The following MAX variants were observed in gnomAD, a reference collection of about 807,000 sequenced individuals.
MAX encodes the protein MYC associated transcriptional regulator X, also known as protein max.
In MAX, 3 loss-of-function variants were observed where a neutral mutation model predicts 22.3. The observed-to-expected ratio is 0.13, with a 90% CI of 0.06 to 0.35. MAX has a LOEUF of 0.35. MAX is among the 10% of genes least tolerant of loss of function. The pLI is 1.00. For missense variants in MAX, 119 were observed against 209.4 expected (o/e 0.57, Z 2.66); for synonymous variants, 72 against 77.7 (o/e 0.93, Z 0.39).
In MAX at chr14:65,023,725, G is replaced by T. The variant is rs2061928620; in HGVS notation, c.172-17441C>A. ...TCATGTGGCTAGTGGCTGCCTATTG[G>T]ACAGCACAGATGTATCTCATTGCTA... On this transcript the variant is annotated intron_variant, in intron 3 of 3. Transcript: ENST00000341653. This position sits in a 1 kb window ranked among gnomAD's most constrained non-coding sequence, Gnocchi z 4.1. Among the ~76,000 whole-genome samples the T allele has an allele frequency of 6.6e-6, 1 of 152,106 alleles. No homozygotes were observed. Among genetic ancestry groups the T allele is most frequent in the Non-Finnish European group, 1.5e-5 (1 of 68,010 alleles).
Position 65,048,723 on chromosome 14 carries a change from C to CA in MAX, c.172-42440dup, listed in dbSNP as rs1187424273. Among the ~76,000 whole-genome samples, 5 of 152,212 alleles carry CA rather than the reference C, an allele frequency of 3.3e-5. No homozygotes were observed. In the East Asian group the frequency reaches 7.7e-4, roughly 24 times the overall value. Reference sequence around the variant, plus strand: ...AAAAACAGTTAACCAGACATGGTGGCACATGCCTGTAGTCCTAGCTACTCA... The same window carrying CA: ...AAAAACAGTTAACCAGACATGGTGGCAACATGCCTGTAGTCCTAGCTACTCA... On this transcript the variant is annotated intron_variant, in intron 3 of 3. Coordinates refer to the MAX transcript ENST00000341653.
chr14:65,071,771 A>G (rs1388923488), downstream of MAX, among the ~76,000 whole-genome samples: 1 of 152,156 alleles, frequency 6.6e-6, no homozygotes, highest in African/African-American at 2.4e-5. This position sits in a 1 kb window ranked among gnomAD's most constrained non-coding sequence, Gnocchi z 4.2. Context: ...GACCCCAATG[A>G]AACACCAAGC....
chr14:65,100,295 C>T (rs964924926), intron 2 of MAX, among the ~76,000 whole-genome samples: 2 of 151,862 alleles, frequency 1.3e-5, no homozygotes, highest in Non-Finnish European at 2.9e-5. Flanking sequence ...ACTAAAAATA[C>T]AAAAATTAGC....
rs35809647 is a variant in MAX at position 65,067,019 on chromosome 14, T to TAA, written c.171+26687_171+26688dup. Among the ~76,000 whole-genome samples, 110 of 137,820 alleles carry TAA rather than the reference T, an allele frequency of 8.0e-4. No homozygotes were observed. In the East Asian group the frequency reaches 8.7e-3, roughly 11 times the overall value. The allele number at this position is 137,820 out of a possible 152,430, so 90.4% of individuals were successfully genotyped here. A position where few individuals can be genotyped will look rare whatever the true frequency, so the allele number is the denominator to read the frequency against. On this transcript the variant is annotated intron_variant, in intron 3 of 3. Coordinates refer to the MAX transcript ENST00000341653. Reference sequence around the variant, plus strand: ...AGCCACACTCTGTCTCTACAAAAATTAAAAAAAAAAAAAAAAATTAGTCGG... The same window carrying TAA: ...AGCCACACTCTGTCTCTACAAAAATTAAAAAAAAAAAAAAAAAAATTAGTCGG...
rs2296322 is a variant in MAX at position 65,012,230 on chromosome 14, T to G, written c.172-5946A>C. ...AGGGGGACGTCCTGAAGCTGAGTGTTTACCCGTGTGTGTGTACGTGCACAT... is the reference window on the plus strand; with the variant it reads ...AGGGGGACGTCCTGAAGCTGAGTGTGTACCCGTGTGTGTGTACGTGCACAT... On this transcript the variant is annotated intron_variant, in intron 3 of 3. Transcript: ENST00000341653. The surrounding 1 kb of genome is among the most constrained non-coding windows in gnomAD (Gnocchi z 5.0). 0.14 allele frequency: 215,672 copies of G among 1,544,180 alleles called. 15,734 individuals are homozygous for G. The highest frequency in any genetic ancestry group is 0.24 in the Admixed American group (14,009 of 58,876).
downstream of MAX, among the ~76,000 whole-genome samples, chr14:65,072,849 A>G (rs1178168428): frequency 6.6e-6 from 1 of 152,214 alleles, no homozygotes; most frequent in Admixed American, 6.5e-5. Flanking sequence ...TTAGTCTCGA[A>G]GAGTTTGTCA....
chr14:65,098,897 T>C (rs1179243910), intron 2 of MAX, among the ~76,000 whole-genome samples: 1 of 152,354 alleles, frequency 6.6e-6, no homozygotes, highest in Non-Finnish European at 1.5e-5. Context: ...TAGTAAGGCC[T>C]ATATATTGTA....
downstream of MAX, among the ~76,000 whole-genome samples, chr14:65,071,563 T>C (rs1351847927): frequency 6.6e-6 from 1 of 152,248 alleles, no homozygotes; most frequent in Non-Finnish European, 1.5e-5. This position sits in a 1 kb window ranked among gnomAD's most constrained non-coding sequence, Gnocchi z 4.2. Flanking sequence ...ATTCATGGGC[T>C]TCTCACACTC....
intron 3 of MAX, among the ~76,000 whole-genome samples, chr14:65,026,120 C>G (rs900586853): frequency 1.3e-5 from 2 of 152,126 alleles, no homozygotes; most frequent in East Asian, 1.9e-4. Flanking sequence ...GAGGTGAAAG[C>G]GCCCAGGAAA....
chr14:65,051,927 T>A (rs2062623273), intron 3 of MAX, among the ~76,000 whole-genome samples: 1 of 151,904 alleles, frequency 6.6e-6, no homozygotes, highest in South Asian at 2.1e-4. Context: ...CCTGAGTAGC[T>A]GGGACTACAG....
chr14:65,101,680 G>A (rs878876806), intron 1 of MAX, 108 bp from the exon 2 acceptor site: 3 of 832,278 alleles, frequency 3.6e-6, no homozygotes, highest in Non-Finnish European at 5.9e-6. Context: ...GGAGGGTGGG[G>A]AGTCAGCCCG....
chr14:65,032,412 C>T lies in MAX; in HGVS notation c.172-26128G>A. The stretch of plus-strand genomic sequence containing the variant: ...GAATGTCATGTTCTTTCACTGAAGC[C>T]ATGCCGTGAGCAACTCTATCCAAAT... On this transcript the variant is annotated intron_variant, in intron 3 of 3. Transcript: ENST00000341653. This position sits in a 1 kb window ranked among gnomAD's most constrained non-coding sequence, Gnocchi z 5.0. The T allele has an allele frequency of 6.2e-6, 3 of 483,736 alleles. No individual in the cohort carries two copies. The highest frequency in any genetic ancestry group is 1.1e-5 in the Non-Finnish European group (3 of 275,454). The allele number at this position is 483,736 out of a possible 1,614,324, so 30.0% of individuals were successfully genotyped here.
At chr14:65,058,977 C>A (rs2062803054) in intron 3 of MAX, among the ~76,000 whole-genome samples, 1 of 152,078 alleles carries the variant, frequency 6.6e-6, no homozygotes, top group Admixed American at 6.6e-5. Flanking sequence ...ATATCATAGC[C>A]TCATAAAATT....
At chr14:65,048,178 T>C (rs1054374167) in intron 3 of MAX, among the ~76,000 whole-genome samples, 5 of 151,836 alleles carry the variant, frequency 3.3e-5, no homozygotes, top group African/African-American at 9.7e-5. Context: ...AGACAGGATA[T>C]GACTATGTTG....
rs199732984 is a variant in MAX, at chr14:65,084,347, T to C, written c.172-6311A>G. The C allele has an allele frequency of 6.9e-5, 80 of 1,159,736 alleles. No individual in the cohort carries two copies. The highest frequency in any genetic ancestry group is 3.6e-4 in the South Asian group (29 of 80,898). 71.8% of individuals were successfully genotyped at this position (1,159,736 alleles called of 1,614,324 possible). On this transcript the variant is annotated intron_variant, in intron 3 of 4. Coordinates refer to ENST00000358664, the MANE Select transcript of MAX (RefSeq NM_002382.5). This position sits in a 1 kb window ranked among gnomAD's most constrained non-coding sequence, Gnocchi z 4.3. ...AGCAATTAATTTCACAAGTAATAAA[T>C]AGAATACAAAATTACTAACTTTTGT...
chr14:65,060,942 G>A lies in MAX; in HGVS notation c.171+32766C>T, dbSNP rs112078963. 6.4e-3 allele frequency among the ~76,000 whole-genome samples: 922 copies of A among 143,424 alleles called. 11 individuals carry two copies. The highest frequency in any genetic ancestry group is 0.023 in the African/African-American group (871 of 38,538). 94.1% of individuals were successfully genotyped at this position (143,424 alleles called of 152,430 possible). A position where few individuals can be genotyped will look rare whatever the true frequency, so the allele number is the denominator to read the frequency against. The stretch of plus-strand genomic sequence containing the variant: ...ATACTGTTTTCTCACATAATATGTT[G>A]TAAGTATTTGCCTGTATCGTTAAAT... On this transcript the variant is annotated intron_variant, in intron 3 of 3. Coordinates refer to the MAX transcript ENST00000341653.
chr14:65,083,853 C>A, intron 3 of MAX: 3 of 1,208,128 alleles, frequency 2.5e-6, no homozygotes, highest in Non-Finnish European at 3.1e-6. Flanking sequence ...AAAGGGAGGG[C>A]CCAGGGCTAA....
Position 65,076,335 on chromosome 14 carries a change from A to G in MAX, c.*141T>C. The G allele has an allele frequency of 6.6e-7, 1 of 1,524,052 alleles. No individual in the cohort carries two copies. The highest frequency in any genetic ancestry group is 2.4e-5 in the East Asian group (1 of 41,502). 94.4% of individuals were successfully genotyped at this position (1,524,052 alleles called of 1,614,324 possible). ...GCTGTTGTCCAAGAGCTTCTACGTA[A>G]AAATAAAAATTTAAAAAAAAAAGGG... On this transcript the variant is annotated 3_prime_UTR_variant, in exon 5 of 5. Transcript: ENST00000358664. This position sits in a 1 kb window ranked among gnomAD's most constrained non-coding sequence, Gnocchi z 6.6.
chr14:65,071,293 C>T (rs1250150851), downstream of MAX, among the ~76,000 whole-genome samples: 5 of 152,098 alleles, frequency 3.3e-5, no homozygotes, highest in South Asian at 6.2e-4. The surrounding 1 kb of genome is among the most constrained non-coding windows in gnomAD (Gnocchi z 4.2). Context: ...AGGCATGCAA[C>T]ACTATGCTCG....
Sources: allele counts gnomAD v4.1 joint callset (sites outside exome capture counted in the v4.1 genomes callset), GRCh38; gene constraint gnomAD v4.1.1; non-coding constraint Gnocchi (gnomAD v3.1); transcripts MANE v1.5; gene names NCBI Gene and HGNC (gene_info 2026-07-23, HGNC 2026-07-21).